The following PDE3A variants were observed in gnomAD, a reference collection of about 807,000 sequenced individuals.
PDE3A encodes cGMP-inhibited 3',5'-cyclic phosphodiesterase 3A.
In PDE3A, 43 loss-of-function variants were observed where a neutral mutation model predicts 98.3. The observed-to-expected ratio is 0.44, with a 90% CI of 0.34 to 0.56. The LOEUF (loss-of-function observed/expected upper bound fraction) is 0.56. Ranked by LOEUF, PDE3A falls within the 20% of genes least tolerant of loss-of-function variation. The pLI, the probability that PDE3A is intolerant of heterozygous loss-of-function variation, is 0.01. For synonymous variants in PDE3A, 663 were observed against 567.9 expected, an observed-to-expected ratio of 1.17 and a Z score of -2.38; for missense variants, 1,427 against 1,440.7, an observed-to-expected ratio of 0.99 and a Z score of 0.15.
At chr12:20,391,603 T>C (rs1198083994) in intron 1 of PDE3A, among the ~76,000 whole-genome samples, 3 of 151,492 alleles carry the variant, frequency 2.0e-5, no homozygotes, top group African/African-American at 4.8e-5. Context: ...TTTCCGTTTA[T>C]GTATGTGTTA....
chr12:20,516,074 G>C (rs1428585837), intron 1 of PDE3A, among the ~76,000 whole-genome samples: 3 of 151,824 alleles, frequency 2.0e-5, no homozygotes, highest in Non-Finnish European at 4.4e-5. Flanking sequence ...GTATTCTCTG[G>C]GCAGGAGGCC....
rs1945762783 is a variant in PDE3A, at chr12:20,680,846, G to A, written c.*575G>A. ...CAACACTGTGTGTGTGTGTGTGTGTGTGTGTGTGTGTGTGTGTGTGTGTGA... is the reference window on the plus strand; with the variant it reads ...CAACACTGTGTGTGTGTGTGTGTGTATGTGTGTGTGTGTGTGTGTGTGTGA... On this transcript the variant is annotated 3_prime_UTR_variant, in exon 16 of 16. Transcript: ENST00000359062. The A allele has an allele frequency of 6.5e-6, 1 of 154,464 alleles. No homozygotes were observed. The highest frequency in any genetic ancestry group is 1.4e-5 in the Non-Finnish European group (1 of 70,288). 9.6% of individuals were successfully genotyped at this position (154,464 alleles called of 1,614,324 possible).
intron 1 of PDE3A, among the ~76,000 whole-genome samples, chr12:20,381,879 C>T (rs1351722716): frequency 6.6e-6 from 1 of 151,678 alleles, no homozygotes; most frequent in Non-Finnish European, 1.5e-5. Context: ...TAACTTCTCC[C>T]CTGTTGATAA....
At chr12:20,581,378 T>A (rs1320391286) in intron 2 of PDE3A, among the ~76,000 whole-genome samples, 1 of 152,118 alleles carries the variant, frequency 6.6e-6, no homozygotes, top group Non-Finnish European at 1.5e-5. Flanking sequence ...CTAAGTAATA[T>A]TGATACAGGT....
At chr12:20,386,672 C>T (rs1943815872) in intron 1 of PDE3A, among the ~76,000 whole-genome samples, 2 of 151,894 alleles carry the variant, frequency 1.3e-5, no homozygotes, top group Admixed American at 1.3e-4. Flanking sequence ...CTTGTAGATT[C>T]TGGATATTAG....
At chr12:20,525,824 C>A (rs1477592355) in intron 1 of PDE3A, among the ~76,000 whole-genome samples, 1 of 152,022 alleles carries the variant, frequency 6.6e-6, no homozygotes, top group Non-Finnish European at 1.5e-5. Flanking sequence ...GAAAAGTTGA[C>A]AAAATCAGAA....
At chr12:20,611,285 T>C (rs1943845898) in intron 2 of PDE3A, among the ~76,000 whole-genome samples, 1 of 151,942 alleles carries the variant, frequency 6.6e-6, no homozygotes, top group Non-Finnish European at 1.5e-5. Context: ...AAATTATTAA[T>C]ATTACACTTA....
intron 1 of PDE3A, among the ~76,000 whole-genome samples, chr12:20,499,478 G>C (rs947002652): frequency 1.3e-5 from 2 of 152,054 alleles, no homozygotes; most frequent in Non-Finnish European, 2.9e-5. Context: ...TTAACAAATT[G>C]ATTTTTATGA....
At position 20,686,014 on chromosome 12, in the gene PDE3A, C is replaced by T. The variant is rs1399937; in HGVS notation, c.*5743C>T. Among the ~76,000 whole-genome samples the T allele has an allele frequency of 0.043, 6,539 of 151,906 alleles. 244 individuals carry two copies. Among genetic ancestry groups the T allele is most frequent in the African/African-American group, 0.094 (3,884 of 41,430 alleles). On this transcript the variant is annotated 3_prime_UTR_variant, in exon 16 of 16. Coordinates refer to ENST00000359062, the MANE Select transcript of PDE3A (RefSeq NM_000921.5). ...AAATGAAACCCACAAAATGACATTC[C>T]GTGGTACTGAGTATTTTCACATAAT...
intron 15 of PDE3A, among the ~76,000 whole-genome samples, chr12:20,675,348 G>C (rs1217247145): frequency 6.6e-6 from 1 of 152,126 alleles, no homozygotes; most frequent in Non-Finnish European, 1.5e-5. Flanking sequence ...GTCTATCCTG[G>C]AGAATAGTTC....
At chr12:20,378,499 C>T (rs2120530635) in intron 1 of PDE3A, among the ~76,000 whole-genome samples, 1 of 151,760 alleles carries the variant, frequency 6.6e-6, no homozygotes, top group African/African-American at 2.4e-5. Context: ...TATTTTTACA[C>T]TGCAGATTAA....
intron 1 of PDE3A, among the ~76,000 whole-genome samples, chr12:20,546,208 G>A (rs1043181453): frequency 7.2e-5 from 11 of 151,934 alleles, no homozygotes; most frequent in Non-Finnish European, 1.3e-4. Flanking sequence ...CAGTATTGAC[G>A]ACTGGAGGGC....
At chr12:20,468,394 C>G (rs562919624) in intron 1 of PDE3A, among the ~76,000 whole-genome samples, 3 of 152,262 alleles carry the variant, frequency 2.0e-5, no homozygotes, top group South Asian at 4.1e-4. Flanking sequence ...GAATCTCATT[C>G]TGTAATCTGT....
At chr12:20,593,970 G>A (rs1943403834) in intron 2 of PDE3A, among the ~76,000 whole-genome samples, 1 of 149,970 alleles carries the variant, frequency 6.7e-6, no homozygotes, top group African/African-American at 2.4e-5. Context: ...AAGAAGAGGA[G>A]ATGGCTGTGC....
chr12:20,419,919 A>T, intron 1 of PDE3A, among the ~76,000 whole-genome samples: 1 of 151,850 alleles, frequency 6.6e-6, no homozygotes, highest in East Asian at 1.9e-4. Flanking sequence ...TTTTATGTTT[A>T]GTAGATATGG....
chr12:20,512,928 A>G (rs1946254341), intron 1 of PDE3A, among the ~76,000 whole-genome samples: 1 of 152,150 alleles, frequency 6.6e-6, no homozygotes, highest in Admixed American at 6.6e-5. Flanking sequence ...TATTATTCAT[A>G]ATAGAAGTCA....
chr12:20,671,572 C>T (rs1945483169), intron 15 of PDE3A, among the ~76,000 whole-genome samples: 1 of 151,096 alleles, frequency 6.6e-6, no homozygotes, highest in South Asian at 2.1e-4. Context: ...TGTAATCCAG[C>T]ATATAAACAG....
intron 1 of PDE3A, among the ~76,000 whole-genome samples, chr12:20,379,818 G>T (rs1943631709): frequency 6.6e-6 from 1 of 151,560 alleles, no homozygotes; most frequent in South Asian, 2.1e-4. Context: ...TCTTGCATAT[G>T]TTACATAAGG....
rs966836423 is a variant in PDE3A at position 20,678,844 on chromosome 12, G to A, written c.3185-1186G>A. ...TCACTGTGAAACAATTTTGTAGACT[G>A]GTTGTGAGGGCAGAAGTAGAATTTA... On this transcript the variant is annotated intron_variant, in intron 15 of 15. Coordinates refer to ENST00000359062, the MANE Select transcript of PDE3A (RefSeq NM_000921.5). Among the ~76,000 whole-genome samples the A allele has an allele frequency of 1.2e-4, 19 of 152,286 alleles. No homozygotes were observed. The East Asian group carries it at 1.5e-3, about 12-fold the overall frequency.
Sources: gnomAD v4.1 joint callset for allele counts (sites outside exome capture counted in the v4.1 genomes callset) on GRCh38, gnomAD v4.1.1 for gene constraint, MANE v1.5 for transcripts, NCBI Gene and HGNC (gene_info 2026-07-23, HGNC 2026-07-21) for gene names.